Variants in EGFL6 observed in about 807,000 individuals in gnomAD.
The protein encoded by EGFL6 is epidermal growth factor-like protein 6.
EGFL6 carries 42 observed loss-of-function variants against 43.1 expected under a neutral mutation model. The observed-to-expected ratio is 0.98, with a 90% CI of 0.76 to 1.26. The LOEUF (loss-of-function observed/expected upper bound fraction) is 1.26, where lower values mean the gene tolerates loss of function less well. EGFL6 is among the 50% of genes most tolerant of loss of function. The pLI, the probability that EGFL6 is intolerant of heterozygous loss-of-function variation, is 0.00. For synonymous variants in EGFL6, 164 were observed against 163.2 expected (o/e 1.01, Z -0.04); for missense variants, 429 against 427.8 (o/e 1.00, Z -0.02).
intron 1 of EGFL6, among the ~76,000 whole-genome samples, chrX:13,571,855 C>A (rs927360415): frequency 2.7e-5 from 3 of 112,037 alleles, no homozygotes; most frequent in African/African-American, 9.7e-5. Context: ...GGATAAGACA[C>A]TGTTACAGAG....
At chrX:13,572,952 T>C (rs2045451024) in intron 1 of EGFL6, among the ~76,000 whole-genome samples, 1 of 112,370 alleles carries the variant, frequency 8.9e-6, no homozygotes, top group African/African-American at 3.2e-5. Flanking sequence ...GAGGTTCCAT[T>C]TCTTGTATCT....
At chrX:13,598,697 A>G (rs1402687753) in intron 3 of EGFL6, among the ~76,000 whole-genome samples, 4 of 107,523 alleles carry the variant, frequency 3.7e-5, no homozygotes, top group South Asian at 7.9e-4. Flanking sequence ...TTCTTTTCCT[A>G]TGTATTTTTT....
At chrX:13,623,377 G>GTTTTTTTTTGTTTTTTTTTTTTTTTTTTT in intron 9 of EGFL6, among the ~76,000 whole-genome samples, 1 of 40,371 alleles carries the variant, frequency 2.5e-5, no homozygotes, top group Non-Finnish European at 4.2e-5. Flanking sequence ...TTTATTTTGG[G>GTTTTTTTTTGTTTTTTTTTTTTTTTTTTT]TTTTTTTTTT....
chrX:13,569,667 T>C lies in EGFL6; in HGVS notation c.-195T>C, dbSNP rs1602632058. The C allele has an allele frequency of 2.2e-5, 6 of 274,484 alleles. No individual in the cohort carries two copies. Among genetic ancestry groups the C allele is most frequent in the South Asian group, 4.7e-5 (1 of 21,299 alleles). The allele number at this position is 274,484 out of a possible 1,213,427, so 22.6% of individuals were successfully genotyped here. A position where few individuals can be genotyped will look rare whatever the true frequency, so the allele number is the denominator to read the frequency against. ...GGCTTGCCAGGGCGCCCCCAGCCCCTCCCCAGGCCGCGAGCGCCCCTGCCG... is the reference window on the plus strand; with the variant it reads ...GGCTTGCCAGGGCGCCCCCAGCCCCCCCCCAGGCCGCGAGCGCCCCTGCCG... On this transcript the variant is annotated 5_prime_UTR_variant, in exon 1 of 12. Coordinates refer to ENST00000361306, the MANE Select transcript of EGFL6 (RefSeq NM_015507.4).
In EGFL6 at chrX:13,587,707, T is replaced by C. The variant is rs1338648476; in HGVS notation, c.75-1849T>C. ...CTGCATTATTTCTCAGTCAAAACTCTTTAGCAGAGCATTTTAATAATATTT... is the reference window on the plus strand; with the variant it reads ...CTGCATTATTTCTCAGTCAAAACTCCTTAGCAGAGCATTTTAATAATATTT... On this transcript the variant is annotated intron_variant, in intron 1 of 11. Transcript: ENST00000361306. Among the ~76,000 whole-genome samples, 3 of 112,127 alleles carry C rather than the reference T, an allele frequency of 2.7e-5. No individual in the cohort carries two copies. The East Asian group carries it at 8.3e-4, about 31-fold the overall frequency.
intron 2 of EGFL6, among the ~76,000 whole-genome samples, chrX:13,593,317 A>G (rs755094889): frequency 8.9e-6 from 1 of 111,802 alleles, no homozygotes; most frequent in East Asian, 2.8e-4. Context: ...GATCAGAGCT[A>G]TGCTTTTGGA....
Position 13,625,641 on chromosome X carries a change from A to T in EGFL6, c.1286-1370A>T, listed in dbSNP as rs147385344. ...GGAGGTTGCAGTGAGCTGAGATCGC[A>T]CTATTGCACTCCAGCCTGGGCGACA... On this transcript the variant is annotated intron_variant, in intron 10 of 11. Transcript: ENST00000361306. Among the ~76,000 whole-genome samples the T allele has an allele frequency of 9.1e-3, 1,008 of 110,557 alleles. 7 individuals are homozygous for T. Among genetic ancestry groups the T allele is most frequent in the South Asian group, 0.027 (70 of 2,571 alleles).
chrX:13,575,568 G>A (rs148152728), intron 1 of EGFL6, among the ~76,000 whole-genome samples: 17 of 112,230 alleles, frequency 1.5e-4, no homozygotes, highest in African/African-American at 5.5e-4. Flanking sequence ...AACTGTGAGA[G>A]GATAAATGTG....
chrX:13,626,223 C>G (rs148599309), intron 10 of EGFL6, among the ~76,000 whole-genome samples: 1,192 of 111,882 alleles, frequency 0.011, 15 homozygotes, highest in African/African-American at 0.036. Context: ...GCATTGAAAA[C>G]TAAGGCAATG....
chrX:13,592,429 C>T (rs2045569640), intron 2 of EGFL6, among the ~76,000 whole-genome samples: 2 of 111,662 alleles, frequency 1.8e-5, no homozygotes, highest in Admixed American at 1.9e-4. Context: ...TTACTTTATT[C>T]ATTATTCAAA....
At chrX:13,577,321 TATATATATATATATATATATAC>T (rs1569200992) in intron 1 of EGFL6, among the ~76,000 whole-genome samples, 50 of 16,932 alleles carry the variant, frequency 3.0e-3, no homozygotes, top group African/African-American at 7.2e-3. Context: ...TATATATATA[TATATATATATATATATATATAC>T]ATACACACAC....
chrX:13,625,599 G>A (rs1212503641), intron 10 of EGFL6, among the ~76,000 whole-genome samples: 3 of 110,783 alleles, frequency 2.7e-5, no homozygotes, highest in Non-Finnish European at 5.7e-5. Flanking sequence ...CAGGAGAATC[G>A]CTTGAACCCG....
chrX:13,574,591 G>A (rs113365044), intron 1 of EGFL6, among the ~76,000 whole-genome samples: 18 of 111,180 alleles, frequency 1.6e-4, no homozygotes, highest in African/African-American at 4.9e-4. Flanking sequence ...AGTTCATTAT[G>A]GTGGGTCCTT....
At chrX:13,591,306 C>T (rs755680009) in intron 2 of EGFL6, among the ~76,000 whole-genome samples, 2 of 111,461 alleles carry the variant, frequency 1.8e-5, no homozygotes, top group African/African-American at 3.3e-5. Context: ...CGAACATCAG[C>T]GTCTACTGCC....
At chrX:13,597,095 A>G (rs765909344) in intron 3 of EGFL6, among the ~76,000 whole-genome samples, 10 of 112,138 alleles carry the variant, frequency 8.9e-5, no homozygotes, top group Non-Finnish European at 1.9e-4. Context: ...GGATGCCGCT[A>G]AACATCCTGC....
At chrX:13,609,495 T>C (rs1602652687) in intron 7 of EGFL6, among the ~76,000 whole-genome samples, 1 of 111,784 alleles carries the variant, frequency 8.9e-6, no homozygotes, top group African/African-American at 3.2e-5. Flanking sequence ...CTCACACCTG[T>C]AATCCTAGCA....
rs2045572752 is a variant in EGFL6, at chrX:13,592,896, C to T, written c.188-1940C>T. Among the ~76,000 whole-genome samples the T allele has an allele frequency of 3.0e-5, 3 of 100,124 alleles. No homozygotes were observed. The South Asian group carries it at 1.6e-3, about 52-fold the overall frequency. 86.9% of individuals were successfully genotyped at this position (100,124 alleles called of 115,157 possible). ...GGGGGGCTAGAAAAGAAGGGGGAGGCCAGATCAGGCTAGGTTCTTTCTTTT... is the reference window on the plus strand; with the variant it reads ...GGGGGGCTAGAAAAGAAGGGGGAGGTCAGATCAGGCTAGGTTCTTTCTTTT... On this transcript the variant is annotated intron_variant, in intron 2 of 11. Transcript: ENST00000361306.
Position 13,606,951 on chromosome X carries a change from G to A in EGFL6, c.655+438G>A, listed in dbSNP as rs1481071260. Among the ~76,000 whole-genome samples, 5 of 111,652 alleles carry A rather than the reference G, an allele frequency of 4.5e-5. No individual in the cohort carries two copies. The Admixed American group carries it at 4.7e-4, about 11-fold the overall frequency. ...TTTATAACAGTCTCCATCAGGGGTGGCTTTAGAGAAATGTATGAGAGACAT... is the reference window on the plus strand; with the variant it reads ...TTTATAACAGTCTCCATCAGGGGTGACTTTAGAGAAATGTATGAGAGACAT... On this transcript the variant is annotated intron_variant, in intron 6 of 11. Transcript: ENST00000361306.
At chrX:13,570,049 C>T (rs1402208195) in intron 1 of EGFL6, 114 bp downstream of exon 1, 6 of 708,005 alleles carry the variant, frequency 8.5e-6, no homozygotes, top group Middle Eastern at 6.2e-4. Context: ...TGCACGTGTG[C>T]CTGTGCGCGC....
Sources: allele counts gnomAD v4.1 joint callset (sites outside exome capture counted in the v4.1 genomes callset), GRCh38; gene constraint gnomAD v4.1.1; transcripts MANE v1.5; gene names NCBI Gene and HGNC (gene_info 2026-07-23, HGNC 2026-07-21).